CYP2J2: variants seen among roughly 807,000 people sequenced by gnomAD.
CYP2J2 encodes cytochrome P450 family 2 subfamily J member 2.
CYP2J2 carries 41 observed loss-of-function variants against 48.8 expected under a neutral mutation model. That is an observed-to-expected ratio of 0.84 (90% CI 0.66 to 1.09). The LOEUF (loss-of-function observed/expected upper bound fraction) is 1.09. Among genes scored for constraint, CYP2J2 ranks in the 50% least tolerant of loss-of-function variants. CYP2J2 has a pLI of 0.00. For synonymous variants in CYP2J2, 221 were observed against 227.1 expected (o/e 0.97, Z 0.24); for missense variants, 644 against 617.3 (o/e 1.04, Z -0.46).
chr1:59,958,008 C>T, the CYP2J2 span, among the ~76,000 whole-genome samples: 30 of 152,266 alleles, frequency 2.0e-4, no homozygotes, highest in African/African-American at 6.7e-4. Flanking sequence ...TGGTAAGGAA[C>T]ACAGATCTCT....
In CYP2J2 at chr1:59,905,074, G is replaced by T. The variant is rs368557593; in HGVS notation, c.1004-16C>A. The T allele has an allele frequency of 5.2e-5, 83 of 1,605,646 alleles. No individual in the cohort carries two copies. Among genetic ancestry groups the T allele is most frequent in the Non-Finnish European group, 6.7e-5 (79 of 1,178,120 alleles). ...TGTACTTTTTCTGGTAAAGAGGGAA[G>T]GGTTCTATTATTTTTTAAACTTTTA... is the stretch of plus-strand genomic sequence containing the variant. On this transcript the variant is annotated splice_polypyrimidine_tract_variant and intron_variant, in intron 6 of 8. Transcript: ENST00000371204.
In CYP2J2 at chr1:59,912,212, C is replaced by G; in HGVS notation, c.473G>C (p.Arg158Pro). 1.9e-6 allele frequency: 3 copies of G among 1,613,890 alleles called. No individual in the cohort carries two copies. The highest frequency in any genetic ancestry group is 2.5e-6 in the Non-Finnish European group (3 of 1,179,844). ...FGLGKKSLEE[R>P]IQEEAQHLTE... is the part of the protein sequence containing the mutation. ...GAGGTGTTGGGCCTCCTCCTGAATG[C>G]GTTCCTCTAAGCTCTTCTTTCCTAA... Residue 158 changes from arginine to proline, a missense_variant, in exon 3 of 9, where the codon CGC becomes CCC. By Grantham distance (103) the Arg-to-Pro change is moderately radical (BLOSUM62 -2). Coordinates refer to ENST00000371204, the MANE Select transcript of CYP2J2 (RefSeq NM_000775.4).
At chr1:59,927,384 C>T (rs912819880), upstream of CYP2J2, among the ~76,000 whole-genome samples, 1 of 152,064 alleles carries the variant, frequency 6.6e-6, no homozygotes, top group African/African-American at 2.4e-5. Context: ...TAGTTCCGAT[C>T]CTTGCTGGTT....
intron 7 of CYP2J2, among the ~76,000 whole-genome samples, chr1:59,903,266 G>T (rs1400453005): frequency 6.6e-6 from 1 of 152,146 alleles, no homozygotes; most frequent in African/African-American, 2.4e-5. Flanking sequence ...AGACAGACTG[G>T]AATCGATCCA....
the CYP2J2 span, among the ~76,000 whole-genome samples, chr1:59,936,338 C>T: frequency 6.6e-6 from 1 of 152,270 alleles, no homozygotes; most frequent in South Asian, 2.1e-4. Context: ...TTTTCCTAAA[C>T]TATAAAATCA....
At chr1:59,905,510 A>C (rs1644357591) in intron 6 of CYP2J2, among the ~76,000 whole-genome samples, 1 of 152,164 alleles carries the variant, frequency 6.6e-6, no homozygotes, top group Non-Finnish European at 1.5e-5. Context: ...TCAACATATA[A>C]ATTTGGGCTG....
At chr1:59,915,857 A>G (rs1262735164) in intron 2 of CYP2J2, 81 bp downstream of exon 2, 56 of 1,374,574 alleles carry the variant, frequency 4.1e-5, no homozygotes, top group Admixed American at 7.1e-5. Context: ...GTGTTGGAAA[A>G]TTACAGTCAC....
intron 2 of CYP2J2, among the ~76,000 whole-genome samples, chr1:59,914,696 C>T (rs146424887): frequency 6.4e-4 from 98 of 152,296 alleles, no homozygotes; most frequent in African/African-American, 2.1e-3. Flanking sequence ...CCCTGGAAGC[C>T]GGGTATTGTC....
Position 59,901,179 on chromosome 1 carries a change from C to T in CYP2J2, c.1192-76G>A, listed in dbSNP as rs112814793. The T allele has an allele frequency of 1.7e-4, 255 of 1,524,320 alleles. No individual in the cohort carries two copies. In the African/African-American group the frequency reaches 3.1e-3, roughly 19 times the overall value. 94.4% of individuals were successfully genotyped at this position (1,524,320 alleles called of 1,614,324 possible). A position where few individuals can be genotyped will look rare whatever the true frequency, so the allele number is the denominator to read the frequency against. On this transcript the variant is annotated intron_variant, in intron 7 of 8. Coordinates refer to ENST00000371204, the MANE Select transcript of CYP2J2 (RefSeq NM_000775.4). ...ACCTATGCAGAGGGGTGGTCATCCTCCGGCTTCCTTGCCGGGGGCCTGAAC... is the reference window on the plus strand; with the variant it reads ...ACCTATGCAGAGGGGTGGTCATCCTTCGGCTTCCTTGCCGGGGGCCTGAAC...
At chr1:59,952,936 A>G in the CYP2J2 span, among the ~76,000 whole-genome samples, 1 of 152,230 alleles carries the variant, frequency 6.6e-6, no homozygotes. Flanking sequence ...AAACAGGATC[A>G]GGTACACAGT....
intron 1 of CYP2J2, among the ~76,000 whole-genome samples, chr1:59,917,923 C>T (rs1198780118): frequency 1.3e-5 from 2 of 152,192 alleles, no homozygotes; most frequent in South Asian, 2.1e-4. Context: ...CTCTTAGAGT[C>T]CTGTTCCTAA....
At chr1:59,941,264 A>G in the CYP2J2 span, among the ~76,000 whole-genome samples, 2 of 152,202 alleles carry the variant, frequency 1.3e-5, no homozygotes, top group Non-Finnish European at 2.9e-5. Context: ...CCTATATGAC[A>G]GTGGTCCCAT....
chr1:59,943,186 C>G, the CYP2J2 span, among the ~76,000 whole-genome samples: 1 of 152,020 alleles, frequency 6.6e-6, no homozygotes, highest in South Asian at 2.1e-4. Flanking sequence ...ATTTTTAGGT[C>G]ACAGGACTGG....
chr1:59,938,878 G>A, the CYP2J2 span, among the ~76,000 whole-genome samples: 2 of 152,230 alleles, frequency 1.3e-5, no homozygotes, highest in African/African-American at 4.8e-5. Flanking sequence ...TGTGCCCCTG[G>A]TTTATCGAGA....
intron 1 of CYP2J2, among the ~76,000 whole-genome samples, chr1:59,921,182 T>A (rs980225287): frequency 2.6e-5 from 4 of 152,216 alleles, no homozygotes; most frequent in Non-Finnish European, 4.4e-5. Flanking sequence ...AATAAACATG[T>A]GAGTACATCA....
chr1:59,904,983 G>A lies in CYP2J2; in HGVS notation c.1079C>T (p.Pro360Leu), dbSNP rs764645502. 6.2e-6 allele frequency: 10 copies of A among 1,613,806 alleles called. No homozygotes were observed. Among genetic ancestry groups the A allele is most frequent in the Middle Eastern group, 3.3e-4 (2 of 6,080 alleles). The change falls in exon 7 of 9, where the codon CCC (proline) becomes CTC (leucine). Residue 360 changes from proline to leucine, a missense_variant. By Grantham distance (98) the Pro-to-Leu change is moderately conservative (BLOSUM62 -3). Transcript: ENST00000371204. ...QPSTAARESMPYTNAVIHEVQ... is the reference protein window; with the variant it reads ...QPSTAARESMLYTNAVIHEVQ... ...CTCATGGATGACAGCATTGGTGTAGGGCATGGACTCCCGGGCGGCTGTGCT... is the reference window on the plus strand; with the variant it reads ...CTCATGGATGACAGCATTGGTGTAGAGCATGGACTCCCGGGCGGCTGTGCT...
At chr1:59,931,329 T>C (rs1644601676), upstream of CYP2J2, among the ~76,000 whole-genome samples, 1 of 152,184 alleles carries the variant, frequency 6.6e-6, no homozygotes, top group African/African-American at 2.4e-5. Context: ...CTGGGGAGCC[T>C]AGTCTTAGAG....
chr1:59,968,915 A>C, the CYP2J2 span, among the ~76,000 whole-genome samples: 1 of 151,936 alleles, frequency 6.6e-6, no homozygotes, highest in Non-Finnish European at 1.5e-5. Flanking sequence ...GTTCCTTCTG[A>C]TGTTCGGATA....
At chr1:59,900,766 G>A (rs955554436) in intron 8 of CYP2J2, among the ~76,000 whole-genome samples, 199 bp downstream of exon 8, 4 of 152,166 alleles carry the variant, frequency 2.6e-5, no homozygotes, top group Non-Finnish European at 4.4e-5. Context: ...AATGAATGGA[G>A]GGCTTAGGAA....
Sources: allele counts gnomAD v4.1 joint callset (sites outside exome capture counted in the v4.1 genomes callset), GRCh38; gene constraint gnomAD v4.1.1; transcripts MANE v1.5; gene names NCBI Gene and HGNC (gene_info 2026-07-23, HGNC 2026-07-21).